The following CEP112 variants were observed in gnomAD, a reference collection of about 807,000 sequenced individuals.
CEP112 encodes centrosomal protein of 112 kDa.
In CEP112, 127 loss-of-function variants were observed where a neutral mutation model predicts 153.0. The observed-to-expected ratio is 0.83, with a 90% CI of 0.72 to 0.96. CEP112 has a LOEUF of 0.96. Among genes scored for constraint, CEP112 ranks in the 40% least tolerant of loss-of-function variants. The probability of loss-of-function intolerance (pLI) is 0.00; values close to 1 mark genes in which losing one functional copy is unlikely to be tolerated. For synonymous variants in CEP112, 358 were observed against 374.4 expected (o/e 0.96, Z 0.51); for missense variants, 1,089 against 1,101.2 (o/e 0.99, Z 0.16).
At chr17:65,780,104 A>G (rs559702432) in intron 21 of CEP112, among the ~76,000 whole-genome samples, 1 of 152,174 alleles carries the variant, frequency 6.6e-6, no homozygotes, top group East Asian at 1.9e-4. Context: ...GACTTTTATA[A>G]TATTTATTTA....
intron 17 of CEP112, among the ~76,000 whole-genome samples, chr17:65,988,648 ACT>A (rs1418511381): frequency 6.6e-6 from 1 of 152,186 alleles, no homozygotes; most frequent in Non-Finnish European, 1.5e-5. Flanking sequence ...TTCATTTGAG[ACT>A]CTCAATAGCA....
intron 21 of CEP112, among the ~76,000 whole-genome samples, chr17:65,847,644 A>G (rs1272597166): frequency 3.3e-5 from 5 of 152,218 alleles, no homozygotes; most frequent in Non-Finnish European, 7.3e-5. Context: ...CTGGTGGTAC[A>G]GAAGTAAACA....
chr17:65,976,735 CTTTTTTT>C (rs771108755), intron 17 of CEP112, among the ~76,000 whole-genome samples: 1 of 85,358 alleles, frequency 1.2e-5, no homozygotes, highest in African/African-American at 5.4e-5. Context: ...ATAACTTTTT[CTTTTTTT>C]TTTTTTTTTT....
chr17:65,857,702 ATT>A (rs575350402), intron 20 of CEP112, among the ~76,000 whole-genome samples: 1 of 148,356 alleles, frequency 6.7e-6, no homozygotes. Flanking sequence ...GACCTGAGGG[ATT>A]TTTTTTTTTG....
intron 4 of CEP112, among the ~76,000 whole-genome samples, chr17:66,134,676 G>A (rs77620153): frequency 0.058 from 8,826 of 152,058 alleles, 273 homozygotes; most frequent in East Asian, 0.072. Flanking sequence ...GCAGTCAGTC[G>A]GGCATGGTGG....
rs2052730797 is a variant in CEP112, at chr17:65,763,356, C to T, written c.2395-12632G>A. ...TACAGATCTGTGGTTTGGTGTCTGA[C>T]ATTAATTTGGGGAAATTTTCAGTCT... is the stretch of plus-strand genomic sequence containing the variant. On this transcript the variant is annotated intron_variant, in intron 21 of 26. Coordinates refer to ENST00000535342, the MANE Select transcript of CEP112 (RefSeq NM_001199165.4). Among the ~76,000 whole-genome samples the T allele has an allele frequency of 2.0e-5, 3 of 151,992 alleles. No homozygotes were observed. The South Asian group carries it at 6.2e-4, about 31-fold the overall frequency.
At chr17:66,065,629 C>CTTT (rs34757999) in intron 10 of CEP112, among the ~76,000 whole-genome samples, 1 of 140,248 alleles carries the variant, frequency 7.1e-6, no homozygotes. Flanking sequence ...ATTTTAAAAT[C>CTTT]TTTTTTTTTT....
chr17:65,769,071 AAATT>A (rs1301090488), intron 21 of CEP112, among the ~76,000 whole-genome samples: 1 of 152,156 alleles, frequency 6.6e-6, no homozygotes, highest in Non-Finnish European at 1.5e-5. Context: ...TAGATCTAAT[AAATT>A]AACTCCATAA....
At chr17:66,031,463 G>GTTTTTTTTT (rs2065466656) in intron 12 of CEP112, among the ~76,000 whole-genome samples, 3 of 42,744 alleles carry the variant, frequency 7.0e-5, no homozygotes, top group African/African-American at 2.5e-4. Flanking sequence ...GAAAAACCCA[G>GTTTTTTTTT]TTTTGTTTTG....
chr17:65,954,577 G>C (rs1452473168), intron 18 of CEP112, among the ~76,000 whole-genome samples: 1 of 152,092 alleles, frequency 6.6e-6, no homozygotes, highest in Non-Finnish European at 1.5e-5. Flanking sequence ...AGGCATCAGA[G>C]AAAGGTGAGG....
chr17:66,112,727 C>A (rs574907075), intron 6 of CEP112, among the ~76,000 whole-genome samples: 5 of 152,028 alleles, frequency 3.3e-5, no homozygotes, highest in African/African-American at 1.2e-4. Flanking sequence ...GTGGATCACT[C>A]GAGGTCAGGC....
intron 16 of CEP112, among the ~76,000 whole-genome samples, chr17:66,023,619 T>C (rs2065085467): frequency 2.0e-5 from 3 of 151,932 alleles, no homozygotes; most frequent in Admixed American, 1.3e-4. Flanking sequence ...TAAAAACACA[T>C]TTAAGTATAA....
At chr17:66,186,035 TCTCTCTCTCTCC>T (rs937995380) in intron 1 of CEP112, among the ~76,000 whole-genome samples, 1 of 151,938 alleles carries the variant, frequency 6.6e-6, no homozygotes, top group African/African-American at 2.4e-5. Flanking sequence ...TCTCTCTCTC[TCTCTCTCTCTCC>T]CCACCCGCTC....
At chr17:66,093,390 G>GTC (rs1335909319) in intron 8 of CEP112, among the ~76,000 whole-genome samples, 1 of 151,622 alleles carries the variant, frequency 6.6e-6, no homozygotes, top group Non-Finnish European at 1.5e-5. Flanking sequence ...GAGTGAAATG[G>GTC]TCTCTATTTA....
At chr17:65,932,699 G>A (rs1359665856) in intron 18 of CEP112, among the ~76,000 whole-genome samples, 2 of 152,014 alleles carry the variant, frequency 1.3e-5, no homozygotes, top group Non-Finnish European at 2.9e-5. Flanking sequence ...AGAGAGTGAG[G>A]GCGAAGGTGC....
At chr17:66,119,899 CTTTG>C (rs1216262569) in intron 6 of CEP112, among the ~76,000 whole-genome samples, 3 of 152,076 alleles carry the variant, frequency 2.0e-5, no homozygotes, top group Admixed American at 6.6e-5. Flanking sequence ...ATTGTCAGGT[CTTTG>C]TTTGTTTTCA....
chr17:65,763,016 T>G lies in CEP112; in HGVS notation c.2395-12292A>C, dbSNP rs562863399. Reference sequence around the variant, plus strand: ...GTCTACTGGCAACAAACTCCCCCAATTTTTGTTTGTCTGAGAAAGTATTTC... The same window carrying G: ...GTCTACTGGCAACAAACTCCCCCAAGTTTTGTTTGTCTGAGAAAGTATTTC... On this transcript the variant is annotated intron_variant, in intron 21 of 26. Coordinates refer to ENST00000535342, the MANE Select transcript of CEP112 (RefSeq NM_001199165.4). Among the ~76,000 whole-genome samples the G allele has an allele frequency of 5.7e-4, 87 of 152,080 alleles. 2 individuals carry two copies. In the South Asian group the frequency reaches 0.018, roughly 31 times the overall value.
intron 21 of CEP112, among the ~76,000 whole-genome samples, chr17:65,821,803 C>T (rs930907681): frequency 6.0e-5 from 9 of 151,118 alleles, no homozygotes; most frequent in Admixed American, 4.6e-4. Context: ...CCACCCACTT[C>T]AGCCTCCCAA....
intron 20 of CEP112, among the ~76,000 whole-genome samples, chr17:65,890,689 T>C (rs938532762): frequency 6.6e-6 from 1 of 152,188 alleles, no homozygotes; most frequent in Non-Finnish European, 1.5e-5. Flanking sequence ...CAGGCAGGTG[T>C]ACAGTCAATG....
Sources: gnomAD v4.1 joint callset for allele counts (sites outside exome capture counted in the v4.1 genomes callset) on GRCh38, gnomAD v4.1.1 for gene constraint, MANE v1.5 for transcripts, NCBI Gene and HGNC (gene_info 2026-07-23, HGNC 2026-07-21) for gene names.